FGF3: variants seen among roughly 807,000 people sequenced by gnomAD.
FGF3 encodes fibroblast growth factor 3.
In FGF3, 7 loss-of-function variants were observed where a neutral mutation model predicts 9.8. The observed-to-expected ratio is 0.72, with a 90% CI of 0.41 to 1.35. The LOEUF (loss-of-function observed/expected upper bound fraction) is 1.35. Among genes scored for constraint, FGF3 ranks in the 40% most tolerant of loss-of-function variants. The probability of loss-of-function intolerance (pLI) is 0.01; values close to 1 mark genes in which losing one functional copy is unlikely to be tolerated. For missense variants in FGF3, 390 were observed against 345.6 expected (o/e 1.13, Z -1.02); for synonymous variants, 173 against 157.2 (o/e 1.10, Z -0.75).
intron 2 of FGF3, 22 bp from the exon 3 acceptor site, chr11:69,810,722 G>A (rs782780371): frequency 6.4e-7 from 1 of 1,559,360 alleles, no homozygotes; most frequent in East Asian, 2.3e-5. Context: ...AGATATCATG[G>A]TCAGTGCCCC....
rs1440586250 is a variant in FGF3 at position 69,810,529 on chromosome 11, C to T, written c.496G>A (p.Gly166Ser). The T allele has an allele frequency of 1.2e-6, 2 of 1,611,278 alleles. No homozygotes were observed. Among genetic ancestry groups the T allele is most frequent in the African/African-American group, 1.3e-5 (1 of 74,936 alleles). ...SVNGKGRPRR[G>S]FKTRRTQKSS... ...TTCTGTGTGCGGCGGGTCTTGAAGC[C>T]CCTGCGGGGCCGGCCCTTGCCGTTC... The change falls in exon 3 of 3, where the codon GGC becomes AGC. Residue 166 changes from glycine (G) to serine (S), a missense_variant. By Grantham distance (56) the Gly-to-Ser change is moderately conservative. Coordinates refer to ENST00000334134, the MANE Select transcript of FGF3 (RefSeq NM_005247.4).
In FGF3 at chr11:69,818,996, G is replaced by A. The variant is rs577840024; in HGVS notation, c.-63C>T. 6.6e-4 allele frequency: 750 copies of A among 1,138,132 alleles called. 8 individuals carry two copies. In the African/African-American group the frequency reaches 0.011, roughly 17 times the overall value. The allele number at this position is 1,138,132 out of a possible 1,614,324, so 70.5% of individuals were successfully genotyped here. On this transcript the variant is annotated 5_prime_UTR_variant, in exon 1 of 3. Transcript: ENST00000334134. Reference sequence around the variant, plus strand: ...AGGCGAGCGCGGCGCCCATGGAAGGGGCGGCAGCCGGACAGCTGCGAGGTG... The same window carrying A: ...AGGCGAGCGCGGCGCCCATGGAAGGAGCGGCAGCCGGACAGCTGCGAGGTG...
chr11:69,813,844 T>TTGGCTGGA (rs1565115090), intron 2 of FGF3, among the ~76,000 whole-genome samples: 151 of 25,838 alleles, frequency 5.8e-3, no homozygotes, highest in East Asian at 0.01. Flanking sequence ...GGATGGCTGG[T>TTGGCTGGA]TGGATGGATG....
intron 2 of FGF3, among the ~76,000 whole-genome samples, chr11:69,812,504 G>T (rs968436255): frequency 1.3e-5 from 2 of 152,098 alleles, no homozygotes; most frequent in Non-Finnish European, 2.9e-5. Flanking sequence ...ATCCAAGACC[G>T]GTCTCCATGT....
chr11:69,812,365 C>T (rs1856042879), intron 2 of FGF3, among the ~76,000 whole-genome samples: 1 of 152,122 alleles, frequency 6.6e-6, no homozygotes, highest in Admixed American at 6.5e-5. Context: ...GACATGAAAG[C>T]CCAGAGCAGG....
rs146765688 is a variant in FGF3, at chr11:69,813,253, T to A, written c.325-2553A>T. Among the ~76,000 whole-genome samples, 37 of 152,182 alleles carry A rather than the reference T, an allele frequency of 2.4e-4. 1 individual carries two copies. The East Asian group carries it at 6.8e-3, about 28-fold the overall frequency. On this transcript the variant is annotated intron_variant, in intron 2 of 2. Transcript: ENST00000334134. Reference sequence around the variant, plus strand: ...AGGAGGGCGTTCCAGGCAGTGAAGGTGTGGCCTGAGCAGTACAGATGGCTT... The same window carrying A: ...AGGAGGGCGTTCCAGGCAGTGAAGGAGTGGCCTGAGCAGTACAGATGGCTT...
At chr11:69,813,030 C>T (rs1228641516) in intron 2 of FGF3, among the ~76,000 whole-genome samples, 1 of 152,128 alleles carries the variant, frequency 6.6e-6, no homozygotes, top group Non-Finnish European at 1.5e-5. Context: ...AGTTGGGACT[C>T]GCTGTGACAA....
At chr11:69,816,455 C>G in intron 1 of FGF3, 32 bp from the exon 2 acceptor site, 1 of 1,573,032 alleles carries the variant, frequency 6.4e-7, no homozygotes, top group South Asian at 1.1e-5. Context: ...TCACTCCCGC[C>G]GCCCCCACGG....
At chr11:69,816,177 C>G (rs1856128619) in intron 2 of FGF3, 143 bp downstream of exon 2, 5 of 739,548 alleles carry the variant, frequency 6.8e-6, no homozygotes, top group Admixed American at 3.8e-5. Flanking sequence ...GGCGTGGAGC[C>G]CTGGGCCAGG....
At position 69,819,136 on chromosome 11, in the gene FGF3, AG is replaced by A; in HGVS notation, c.-204del. 2.4e-6 allele frequency: 1 copy of A among 418,996 alleles called. No individual in the cohort carries two copies. Among genetic ancestry groups the A allele is most frequent in the Non-Finnish European group, 4.2e-6 (1 of 238,046 alleles). 26.0% of individuals were successfully genotyped at this position (418,996 alleles called of 1,614,324 possible). On this transcript the variant is annotated 5_prime_UTR_variant, in exon 1 of 3. Transcript: ENST00000334134. ...AAGAGAGGGAGAGTGGGAGAGGGAG[AG>A]GGAGAGAGGGAACGCGAGTCCCTTT...
Position 69,810,089 on chromosome 11 carries a change from C to T in FGF3, c.*216G>A. On this transcript the variant is annotated 3_prime_UTR_variant, in exon 3 of 3. Transcript: ENST00000334134. ...CCTTCCCTGCCGGCTTCCTGCCACA[C>T]AGACCCACAAATGCCCTGCATTGCA... is the stretch of plus-strand genomic sequence containing the variant. 1.9e-6 allele frequency: 1 copy of T among 523,992 alleles called. No individual in the cohort carries two copies. Among genetic ancestry groups the T allele is most frequent in the Non-Finnish European group, 3.3e-6 (1 of 301,032 alleles). The allele number at this position is 523,992 out of a possible 1,614,324, so 32.5% of individuals were successfully genotyped here. A position where few individuals can be genotyped will look rare whatever the true frequency, so the allele number is the denominator to read the frequency against.
At chr11:69,816,537 A>C in intron 1 of FGF3, 114 bp from the exon 2 acceptor site, 2 of 759,890 alleles carry the variant, frequency 2.6e-6, no homozygotes, top group Non-Finnish European at 4.6e-6. Context: ...AGGGTAGCAC[A>C]CACCCCACAG....
intron 2 of FGF3, 74 bp downstream of exon 2, chr11:69,816,246 C>A: frequency 8.5e-7 from 1 of 1,169,618 alleles, no homozygotes; most frequent in Non-Finnish European, 1.3e-6. Context: ...GCCCACATCC[C>A]CCGTCCCCTG....
intron 2 of FGF3, among the ~76,000 whole-genome samples, chr11:69,811,198 A>G (rs908340183): frequency 6.6e-6 from 1 of 152,212 alleles, no homozygotes; most frequent in Non-Finnish European, 1.5e-5. Flanking sequence ...CTGTAATCCC[A>G]GCAGTTTGGG....
In FGF3 at chr11:69,818,607, C is replaced by T. The variant is rs550873124; in HGVS notation, c.220+107G>A. The T allele has an allele frequency of 2.3e-5, 18 of 792,206 alleles. No homozygotes were observed. In the South Asian group the frequency reaches 3.2e-4, roughly 14 times the overall value. The allele number at this position is 792,206 out of a possible 1,614,324, so 49.1% of individuals were successfully genotyped here. On this transcript the variant is annotated intron_variant, in intron 1 of 2. Coordinates refer to ENST00000334134, the MANE Select transcript of FGF3 (RefSeq NM_005247.4). ...CACCATGCCTTCTCCCGGGCCAGAC[C>T]CCTCCCCGGCGCCGCCTCCCCCGCG...
intron 2 of FGF3, 39 bp from the exon 3 acceptor site, chr11:69,810,739 A>G (rs1416998750): frequency 6.7e-7 from 1 of 1,500,442 alleles, no homozygotes; most frequent in Non-Finnish European, 8.9e-7. Context: ...CCCCGGGGAG[A>G]CTGTGGCAGC....
At chr11:69,813,816 G>GTGGATGGCTGGTTGGCTGGATGGA (rs1856077579) in intron 2 of FGF3, among the ~76,000 whole-genome samples, 1 of 66,904 alleles carries the variant, frequency 1.5e-5, no homozygotes, top group African/African-American at 4.5e-5. Flanking sequence ...GGGTGGATGG[G>GTGGATGGCTGGTTGGCTGGATGGA]TGGATGGGTG....
In FGF3 at chr11:69,816,397, C is replaced by A. The variant is rs1381894272; in HGVS notation, c.247G>T (p.Val83Leu). ...AGACCCCTGATGGCCACAATGCCCA[C>A]CTCCACTGCCGTTATCTCCAAAATA... ...YSILEITAVE[V>L]GIVAIRGLFS... Residue 83 changes from valine (V) to leucine (L), a missense_variant, in exon 2 of 3, where the codon GTG becomes TTG. By Grantham distance (32) the Val-to-Leu change is conservative. Coordinates refer to ENST00000334134, the MANE Select transcript of FGF3 (RefSeq NM_005247.4). The A allele has an allele frequency of 6.2e-7, 1 of 1,614,040 alleles. No homozygotes were observed. The highest frequency in any genetic ancestry group is 1.7e-4 in the Middle Eastern group (1 of 6,060).
rs191223250 is a variant in FGF3 at position 69,814,590 on chromosome 11, G to A, written c.324+1730C>T. Among the ~76,000 whole-genome samples the A allele has an allele frequency of 1.3e-3, 205 of 152,212 alleles. 1 individual carries two copies. The highest frequency in any genetic ancestry group is 4.5e-3 in the African/African-American group (187 of 41,510). On this transcript the variant is annotated intron_variant, in intron 2 of 2. Coordinates refer to ENST00000334134, the MANE Select transcript of FGF3 (RefSeq NM_005247.4). ...CTGCCGGCAAAGTCCAGGGAGCCCC[G>A]TGGTGGGACAGCACTCCTAGGCAAG... is the stretch of plus-strand genomic sequence containing the variant.
Sources: allele counts gnomAD v4.1 joint callset (sites outside exome capture counted in the v4.1 genomes callset), GRCh38; gene constraint gnomAD v4.1.1; transcripts MANE v1.5; gene names NCBI Gene and HGNC (gene_info 2026-07-23, HGNC 2026-07-21).